KCNN3: variants seen among roughly 807,000 people sequenced by gnomAD.
KCNN3 encodes the protein potassium calcium-activated channel subfamily N member 3, also known as small conductance calcium-activated potassium channel protein 3.
KCNN3 carries 16 observed loss-of-function variants against 62.9 expected under a neutral mutation model. That is an observed-to-expected ratio of 0.25 (90% CI 0.17 to 0.39). The LOEUF is 0.39. KCNN3 is among the 10% of genes least tolerant of loss of function. The probability of loss-of-function intolerance (pLI) is 1.00; values close to 1 mark genes in which losing one functional copy is unlikely to be tolerated. For missense variants in KCNN3, 599 were observed against 949.4 expected (o/e 0.63, Z 4.85); for synonymous variants, 370 against 389.2 (o/e 0.95, Z 0.58).
intron 1 of KCNN3, among the ~76,000 whole-genome samples, chr1:154,856,487 A>G (rs1350994247): frequency 1.3e-5 from 2 of 152,170 alleles, no homozygotes; most frequent in Admixed American, 6.5e-5. Context: ...TGGCCAGTGC[A>G]GGAAACATCC....
chr1:154,795,507 C>G (rs951251401), intron 2 of KCNN3, among the ~76,000 whole-genome samples: 8 of 152,210 alleles, frequency 5.3e-5, no homozygotes, highest in Non-Finnish European at 2.9e-5. Context: ...TCATTCACTG[C>G]TGTGCCACAC....
chr1:154,764,539 T>C (rs1246775741), intron 3 of KCNN3, among the ~76,000 whole-genome samples: 6 of 152,224 alleles, frequency 3.9e-5, no homozygotes. Context: ...CTGTGGTTCC[T>C]TTAGGTTTTA....
Position 154,772,242 on chromosome 1 carries a change from T to A in KCNN3, c.1181A>T (p.Tyr394Phe). 1.2e-6 allele frequency: 2 copies of A among 1,614,158 alleles called. No individual in the cohort carries two copies. Among genetic ancestry groups the A allele is most frequent in the Non-Finnish European group, 1.7e-6 (2 of 1,180,034 alleles). The change falls in exon 3 of 8, where the codon TAC (tyrosine) becomes TTC (phenylalanine). Residue 394 changes from tyrosine to phenylalanine, a missense_variant. Coordinates refer to ENST00000271915, the MANE Select transcript of KCNN3 (RefSeq NM_002249.6). This position sits in a 1 kb window ranked among gnomAD's most constrained non-coding sequence, Gnocchi z 5.6. ...ATCGGCCTCCGCCCGGGAGGGTGTG[T>A]AGGAGAAGGCCAGGCGTGCCGTCCA... ...FFWTARLAFS[Y>F]TPSRAEADVD...
chr1:154,850,663 G>A (rs950201599), intron 1 of KCNN3, among the ~76,000 whole-genome samples: 1 of 152,186 alleles, frequency 6.6e-6, no homozygotes, highest in African/African-American at 2.4e-5. Flanking sequence ...ACCTTGAGGA[G>A]GTTATTCCAC....
chr1:154,820,508 A>T (rs1650846988), intron 2 of KCNN3, among the ~76,000 whole-genome samples: 1 of 152,162 alleles, frequency 6.6e-6, no homozygotes, highest in South Asian at 2.1e-4. Context: ...TACAGATGAG[A>T]ACATGAACAC....
At chr1:154,745,205 A>T (rs1265500222) in intron 3 of KCNN3, among the ~76,000 whole-genome samples, 1 of 152,230 alleles carries the variant, frequency 6.6e-6, no homozygotes, top group Non-Finnish European at 1.5e-5. Context: ...GCAACTCTAA[A>T]TCTAGTCTTT....
intron 3 of KCNN3, 77 bp from the exon 4 acceptor site, chr1:154,733,221 G>T (rs1700635696): frequency 2.7e-6 from 4 of 1,457,376 alleles, no homozygotes; most frequent in Non-Finnish European, 1.9e-6. Context: ...CCTAGAGCGG[G>T]GAAGGAAATG....
chr1:154,804,688 T>C (rs1022777756), intron 2 of KCNN3, among the ~76,000 whole-genome samples: 3 of 152,204 alleles, frequency 2.0e-5, no homozygotes, highest in African/African-American at 7.2e-5. Context: ...ACTGGTAACA[T>C]GAGCAAATAC....
At position 154,697,583 on chromosome 1, in the gene KCNN3, A is replaced by G. The variant is rs1571186160; in HGVS notation, c.*10393T>C. 1 of 152,348 alleles carries G rather than the reference A, an allele frequency of 6.6e-6. No homozygotes were observed. Among genetic ancestry groups the G allele is most frequent in the South Asian group, 2.1e-4 (1 of 4,828 alleles). The allele number at this position is 152,348 out of a possible 1,614,324, so 9.4% of individuals were successfully genotyped here. A position where few individuals can be genotyped will look rare whatever the true frequency, so the allele number is the denominator to read the frequency against. ...GCTTCAGTTCAAGCAGGAGTGGGGAAGGCCATAGACTAAGCCCACCTTCAA... is the reference window on the plus strand; with the variant it reads ...GCTTCAGTTCAAGCAGGAGTGGGGAGGGCCATAGACTAAGCCCACCTTCAA... On this transcript the variant is annotated 3_prime_UTR_variant, in exon 8 of 8. Coordinates refer to ENST00000271915, the MANE Select transcript of KCNN3 (RefSeq NM_002249.6).
At chr1:154,740,855 A>G (rs1429054012) in intron 3 of KCNN3, among the ~76,000 whole-genome samples, 2 of 152,028 alleles carry the variant, frequency 1.3e-5, no homozygotes, top group Non-Finnish European at 2.9e-5. Context: ...CATTGATTCT[A>G]AAAGTTATTT....
chr1:154,816,896 C>T (rs949316830), intron 2 of KCNN3, among the ~76,000 whole-genome samples: 8 of 152,188 alleles, frequency 5.3e-5, no homozygotes, highest in African/African-American at 9.7e-5. Flanking sequence ...CAAGTCCCTA[C>T]GGGTCCTTCC....
chr1:154,715,249 A>G (rs1402282795), intron 5 of KCNN3, among the ~76,000 whole-genome samples: 1 of 151,936 alleles, frequency 6.6e-6, no homozygotes, highest in Non-Finnish European at 1.5e-5. Flanking sequence ...ACCAGCCTGG[A>G]CAACATGGTG....
At chr1:154,770,291 T>A (rs1434887467) in intron 3 of KCNN3, among the ~76,000 whole-genome samples, 1 of 152,254 alleles carries the variant, frequency 6.6e-6, no homozygotes, top group Non-Finnish European at 1.5e-5. Flanking sequence ...TGAACCCTTG[T>A]TCTGCGGCAG....
At chr1:154,846,093 G>A (rs531401925) in intron 1 of KCNN3, among the ~76,000 whole-genome samples, 1 of 152,158 alleles carries the variant, frequency 6.6e-6, no homozygotes, top group Non-Finnish European at 1.5e-5. Flanking sequence ...GCCCTGGCTG[G>A]GGGGCTTTCC....
intron 3 of KCNN3, among the ~76,000 whole-genome samples, chr1:154,736,290 C>T (rs1002051068): frequency 1.3e-5 from 2 of 152,270 alleles, no homozygotes; most frequent in Admixed American, 1.3e-4. Context: ...TGAGAGGGCG[C>T]AGGTGTTATC....
chr1:154,831,585 C>G (rs893113900), intron 1 of KCNN3, among the ~76,000 whole-genome samples: 33 of 152,170 alleles, frequency 2.2e-4, no homozygotes, highest in African/African-American at 7.5e-4. Flanking sequence ...CACTGTGAAA[C>G]AGACAGTCAT....
chr1:154,769,041 T>C (rs1056865825), intron 3 of KCNN3, among the ~76,000 whole-genome samples: 1 of 152,076 alleles, frequency 6.6e-6, no homozygotes, highest in Non-Finnish European at 1.5e-5. Context: ...TTATTATTAA[T>C]AGCTCTGTGA....
chr1:154,817,503 T>C (rs1193206457), intron 2 of KCNN3, among the ~76,000 whole-genome samples: 10 of 152,244 alleles, frequency 6.6e-5, no homozygotes, highest in Non-Finnish European at 1.0e-4. Context: ...GTATGGTTAT[T>C]AGTCCTATTT....
intron 7 of KCNN3, among the ~76,000 whole-genome samples, chr1:154,711,646 C>T (rs1245765379): frequency 6.6e-6 from 1 of 152,134 alleles, no homozygotes; most frequent in Admixed American, 6.5e-5. Flanking sequence ...TGGGCTATTC[C>T]TGAAGCTCAC....
Sources: gnomAD v4.1 joint callset for allele counts (sites outside exome capture counted in the v4.1 genomes callset) on GRCh38, gnomAD v4.1.1 for gene constraint, Gnocchi (gnomAD v3.1) non-coding constraint, MANE v1.5 for transcripts, NCBI Gene and HGNC (gene_info 2026-07-23, HGNC 2026-07-21) for gene names.